Variants in SLIT3 observed in about 807,000 individuals in gnomAD.
SLIT3 encodes slit homolog 3 protein.
In SLIT3, 68 loss-of-function variants were observed where a neutral mutation model predicts 184.0. The ratio of observed to expected loss-of-function variants is 0.37; its 90% CI spans 0.30 to 0.45. SLIT3 has a LOEUF of 0.45. Ranked by LOEUF, SLIT3 falls within the 20% of genes least tolerant of loss-of-function variation. The pLI is 1.00. For missense variants in SLIT3, 1,707 were observed against 2,026.0 expected (o/e 0.84, Z 3.02); for synonymous variants, 831 against 828.6 (o/e 1.00, Z -0.05).
chr5:168,854,398 C>T (rs1219834312), intron 5 of SLIT3, among the ~76,000 whole-genome samples: 1 of 110,750 alleles, frequency 9.0e-6, no homozygotes, highest in Non-Finnish European at 1.8e-5. Context: ...CCACCATTGC[C>T]TCCTTGTCTC....
At chr5:168,983,421 G>A (rs1441731474) in intron 4 of SLIT3, among the ~76,000 whole-genome samples, 1 of 152,222 alleles carries the variant, frequency 6.6e-6, no homozygotes, top group Non-Finnish European at 1.5e-5. Context: ...CCTAGGATGG[G>A]AGAAAATATC....
intron 3 of SLIT3, among the ~76,000 whole-genome samples, chr5:169,240,820 AT>A (rs1214252702): frequency 6.8e-6 from 1 of 148,008 alleles, no homozygotes; most frequent in African/African-American, 2.5e-5. Flanking sequence ...CTTCATTTTA[AT>A]TCATATTTTG....
intron 14 of SLIT3, among the ~76,000 whole-genome samples, chr5:168,769,061 G>A (rs765989333): frequency 4.6e-5 from 7 of 152,196 alleles, no homozygotes; most frequent in Non-Finnish European, 8.8e-5. Flanking sequence ...TTGAGACTAA[G>A]AGAAGGAAGG....
At chr5:168,749,806 T>C (rs924486733) in intron 18 of SLIT3, among the ~76,000 whole-genome samples, 171 bp from the exon 19 acceptor site, 2 of 152,146 alleles carry the variant, frequency 1.3e-5, no homozygotes, top group Non-Finnish European at 2.9e-5. Context: ...GACCCTCGCC[T>C]CTGATGGATG....
In SLIT3 at chr5:168,844,619, A is replaced by G. The variant is rs1224640037; in HGVS notation, c.522T>C (p.Asp174=). Residue 174 remains aspartate, a synonymous_variant, in exon 6 of 36, where the codon GAT becomes GAC. Transcript: ENST00000519560. ...LDNNHISCIE[D]GAFRALRDLE... is the part of the protein sequence containing the mutation. ...AATCGCGCAGCGCTCGGAAGGCTCC[A>G]TCTTCAATGCAGCTGATGTGGTTGT... 1.9e-6 allele frequency: 3 copies of G among 1,614,220 alleles called. No homozygotes were observed. The highest frequency in any genetic ancestry group is 1.7e-6 in the Non-Finnish European group (2 of 1,180,044).
chr5:168,947,187 CA>C (rs2113226169), intron 4 of SLIT3, among the ~76,000 whole-genome samples: 1 of 152,216 alleles, frequency 6.6e-6, no homozygotes, highest in Admixed American at 6.5e-5. Flanking sequence ...AAACAGAAAC[CA>C]AGGGCAATAT....
At chr5:169,007,515 A>G (rs1442975699) in intron 4 of SLIT3, among the ~76,000 whole-genome samples, 2 of 152,248 alleles carry the variant, frequency 1.3e-5, no homozygotes, top group African/African-American at 4.8e-5. Flanking sequence ...GAAAGTGTCT[A>G]GGAATCTCTG....
chr5:169,017,210 G>A (rs1284165765), intron 4 of SLIT3, among the ~76,000 whole-genome samples: 7 of 152,142 alleles, frequency 4.6e-5, no homozygotes, highest in Admixed American at 2.6e-4. Flanking sequence ...AGACCTTTAA[G>A]TTAGACATCT....
chr5:168,706,045 T>G (rs1449679414), intron 26 of SLIT3, among the ~76,000 whole-genome samples: 1 of 152,210 alleles, frequency 6.6e-6, no homozygotes, highest in Non-Finnish European at 1.5e-5. Context: ...GTCACAGTTC[T>G]AGGAGAATGA....
chr5:169,135,493 C>G (rs1369074031), intron 4 of SLIT3, among the ~76,000 whole-genome samples: 1 of 152,118 alleles, frequency 6.6e-6, no homozygotes, highest in East Asian at 1.9e-4. Context: ...AGCACAAATA[C>G]TTTCAAAACA....
At chr5:169,122,583 G>T (rs1462253132) in intron 4 of SLIT3, among the ~76,000 whole-genome samples, 1 of 152,196 alleles carries the variant, frequency 6.6e-6, no homozygotes, top group East Asian at 1.9e-4. Context: ...CACAACAAAG[G>T]GATACAGATT....
At chr5:168,676,143 C>A (rs1215009087) in intron 32 of SLIT3, among the ~76,000 whole-genome samples, 2 of 150,296 alleles carry the variant, frequency 1.3e-5, no homozygotes, top group Non-Finnish European at 2.9e-5. Flanking sequence ...ACCTACCCAC[C>A]TACTTATTTA....
At chr5:169,127,459 G>C (rs898124938) in intron 4 of SLIT3, among the ~76,000 whole-genome samples, 6 of 152,194 alleles carry the variant, frequency 3.9e-5, no homozygotes, top group African/African-American at 1.4e-4. Flanking sequence ...TTTTCAAATA[G>C]AATGTGGAGT....
chr5:169,177,358 C>A (rs1763017514), intron 4 of SLIT3, among the ~76,000 whole-genome samples: 2 of 152,132 alleles, frequency 1.3e-5, no homozygotes, highest in South Asian at 4.1e-4. Flanking sequence ...GAACTAGGAC[C>A]AAAGCAGCAT....
intron 32 of SLIT3, among the ~76,000 whole-genome samples, chr5:168,681,666 C>T (rs1761595709): frequency 6.6e-6 from 1 of 152,200 alleles, no homozygotes; most frequent in African/African-American, 2.4e-5. Context: ...CTTTCCATTT[C>T]ATAACTCAGC....
intron 5 of SLIT3, among the ~76,000 whole-genome samples, chr5:168,861,067 A>C (rs1461660655): frequency 2.0e-5 from 3 of 152,294 alleles, no homozygotes; most frequent in Admixed American, 2.0e-4. Context: ...CCAATTGGCC[A>C]CATTTTTAAA....
At chr5:168,829,102 T>G (rs1365017223) in intron 6 of SLIT3, among the ~76,000 whole-genome samples, 1 of 152,164 alleles carries the variant, frequency 6.6e-6, no homozygotes, top group African/African-American at 2.4e-5. Context: ...TCCCTCAAGA[T>G]AGCCATCTTT....
At chr5:168,907,117 TC>T (rs1163738760) in intron 4 of SLIT3, among the ~76,000 whole-genome samples, 4 of 152,186 alleles carry the variant, frequency 2.6e-5, no homozygotes, top group African/African-American at 9.6e-5. Context: ...CGCCTTGGCC[TC>T]CCAAAATGTA....
At chr5:168,839,192 C>G (rs904376091) in intron 6 of SLIT3, among the ~76,000 whole-genome samples, 18 of 152,198 alleles carry the variant, frequency 1.2e-4, no homozygotes, top group Admixed American at 5.2e-4. Context: ...TAAGCTCTCT[C>G]TGTGTGTCCA....
Sources: allele counts gnomAD v4.1 joint callset (sites outside exome capture counted in the v4.1 genomes callset), GRCh38; gene constraint gnomAD v4.1.1; transcripts MANE v1.5; gene names NCBI Gene and HGNC (gene_info 2026-07-23, HGNC 2026-07-21).